The following EPHA3 variants were observed in gnomAD, a reference collection of about 807,000 sequenced individuals.
EPHA3 encodes ephrin type-A receptor 3.
EPHA3 carries 42 observed loss-of-function variants against 107.1 expected under a neutral mutation model. The observed-to-expected ratio is 0.39, with a 90% CI of 0.31 to 0.51. EPHA3 has a LOEUF of 0.51. Among genes scored for constraint, EPHA3 ranks in the 20% least tolerant of loss-of-function variants. The probability of loss-of-function intolerance (pLI) is 0.78; values close to 1 mark genes in which losing one functional copy is unlikely to be tolerated. For missense variants in EPHA3, 1,183 were observed against 1,211.2 expected, an observed-to-expected ratio of 0.98 and a Z score of 0.35; for synonymous variants, 461 against 424.8, an observed-to-expected ratio of 1.09 and a Z score of -1.05.
intron 11 of EPHA3, among the ~76,000 whole-genome samples, chr3:89,422,887 C>T (rs1316302318): frequency 6.0e-5 from 9 of 151,202 alleles, no homozygotes; most frequent in African/African-American, 2.2e-4. Context: ...GTTTTTGAGC[C>T]TGATGGTCTT....
chr3:89,342,542 ATC>A (rs1046191885), intron 5 of EPHA3, among the ~76,000 whole-genome samples: 9 of 152,176 alleles, frequency 5.9e-5, no homozygotes, highest in African/African-American at 2.2e-4. Context: ...ATAGTTATAA[ATC>A]TCTGATTGCT....
At chr3:89,345,984 A>G (rs1233511946) in intron 5 of EPHA3, among the ~76,000 whole-genome samples, 21 of 146,960 alleles carry the variant, frequency 1.4e-4, no homozygotes, top group Non-Finnish European at 2.3e-4. Flanking sequence ...TCCATGGTGT[A>G]TATGTGCCAC....
intron 4 of EPHA3, 48 bp from the exon 5 acceptor site, chr3:89,341,707 T>G (rs749845827): frequency 7.1e-7 from 1 of 1,413,746 alleles, no homozygotes; most frequent in South Asian, 1.3e-5. Context: ...TCCCTTGTAG[T>G]AGAAAACAGA....
chr3:89,171,725 A>G (rs878889522), intron 2 of EPHA3, among the ~76,000 whole-genome samples: 1 of 152,200 alleles, frequency 6.6e-6, no homozygotes, highest in African/African-American at 2.4e-5. Flanking sequence ...AAAATATGAT[A>G]TCATCCCAAA....
chr3:89,292,489 G>A (rs1442884335), intron 3 of EPHA3, among the ~76,000 whole-genome samples: 1 of 152,102 alleles, frequency 6.6e-6, no homozygotes, highest in Non-Finnish European at 1.5e-5. Context: ...CCTTGCGGAT[G>A]ACTATAATTT....
At chr3:89,156,897 A>T (rs191646508) in intron 2 of EPHA3, among the ~76,000 whole-genome samples, 43 of 151,772 alleles carry the variant, frequency 2.8e-4, no homozygotes, top group African/African-American at 1.0e-3. Context: ...TTTGGAAAAA[A>T]AAATGTAACT....
Position 89,380,771 on chromosome 3 carries a change from C to CT in EPHA3, c.1307-15049dup, listed in dbSNP as rs11294288. 6.1e-3 allele frequency among the ~76,000 whole-genome samples: 828 copies of CT among 135,536 alleles called. 6 individuals carry two copies. Among genetic ancestry groups the CT allele is most frequent in the East Asian group, 0.024 (110 of 4,640 alleles). The allele number at this position is 135,536 out of a possible 152,430, so 88.9% of individuals were successfully genotyped here. On this transcript the variant is annotated intron_variant, in intron 5 of 16. Transcript: ENST00000336596. ...CTTTAAACAGCATAATAGGTAGTAG[C>CT]TTTTTTTTTTTTTTTTTAATGAAGT...
chr3:89,352,045 A>G (rs1219858815), intron 5 of EPHA3, among the ~76,000 whole-genome samples: 1 of 151,182 alleles, frequency 6.6e-6, no homozygotes, highest in African/African-American at 2.4e-5. Flanking sequence ...TGATCAGCAA[A>G]TTATGATATT....
intron 2 of EPHA3, among the ~76,000 whole-genome samples, chr3:89,134,910 AAAT>A (rs1290843743): frequency 3.3e-5 from 5 of 152,212 alleles, no homozygotes; most frequent in African/African-American, 1.2e-4. Flanking sequence ...AACAAACAGC[AAAT>A]AATAAGTCAT....
intron 5 of EPHA3, among the ~76,000 whole-genome samples, chr3:89,350,574 A>G (rs1401088930): frequency 6.6e-6 from 1 of 150,456 alleles, no homozygotes; most frequent in Non-Finnish European, 1.5e-5. Context: ...GTCCTCCCAT[A>G]GCTCAGAGTA....
chr3:89,396,297 T>G (rs184640072), intron 6 of EPHA3, among the ~76,000 whole-genome samples: 2 of 152,328 alleles, frequency 1.3e-5, no homozygotes, highest in South Asian at 4.1e-4. Flanking sequence ...TGTGAACTGT[T>G]TTTTTAGTTC....
intron 2 of EPHA3, among the ~76,000 whole-genome samples, chr3:89,202,846 T>C (rs1269297531): frequency 6.6e-6 from 1 of 152,172 alleles, no homozygotes; most frequent in Non-Finnish European, 1.5e-5. Flanking sequence ...GTAATACACC[T>C]ACCTGTTTTG....
intron 3 of EPHA3, among the ~76,000 whole-genome samples, chr3:89,252,562 T>A (rs2107265483): frequency 6.6e-6 from 1 of 152,142 alleles, no homozygotes; most frequent in East Asian, 1.9e-4. Context: ...AGATTCCATC[T>A]CTACAAAAAT....
intron 2 of EPHA3, among the ~76,000 whole-genome samples, chr3:89,129,599 ATTG>A (rs1215540791): frequency 7.4e-5 from 9 of 122,326 alleles, no homozygotes; most frequent in African/African-American, 2.9e-4. Flanking sequence ...AAAACATTAG[ATTG>A]TTTTTTTTTT....
At chr3:89,348,223 C>T (rs1477663418) in intron 5 of EPHA3, among the ~76,000 whole-genome samples, 2 of 128,698 alleles carry the variant, frequency 1.6e-5, no homozygotes, top group South Asian at 5.4e-4. Flanking sequence ...TGGTAGAATT[C>T]GGCTGTGAAT....
chr3:89,190,451 T>C (rs1253820349), intron 2 of EPHA3, among the ~76,000 whole-genome samples: 1 of 152,166 alleles, frequency 6.6e-6, no homozygotes, highest in Non-Finnish European at 1.5e-5. Context: ...ATATTAAACA[T>C]TTAAATTTTG....
intron 3 of EPHA3, among the ~76,000 whole-genome samples, chr3:89,258,150 G>A (rs1171477823): frequency 6.6e-6 from 1 of 152,064 alleles, no homozygotes; most frequent in Non-Finnish European, 1.5e-5. Context: ...TTGATCAGGA[G>A]GAAATAATCA....
intron 3 of EPHA3, among the ~76,000 whole-genome samples, chr3:89,327,957 G>T (rs776542103): frequency 6.6e-6 from 1 of 151,820 alleles, no homozygotes; most frequent in South Asian, 2.1e-4. Flanking sequence ...AATAAGCTGC[G>T]CATGGTGGCT....
chr3:89,378,673 G>A (rs1708447266), intron 5 of EPHA3, among the ~76,000 whole-genome samples: 1 of 152,100 alleles, frequency 6.6e-6, no homozygotes, highest in South Asian at 2.1e-4. Context: ...AAACTACTGA[G>A]GTTAACAATT....
Sources: gnomAD v4.1 joint callset for allele counts (sites outside exome capture counted in the v4.1 genomes callset) on GRCh38, gnomAD v4.1.1 for gene constraint, MANE v1.5 for transcripts, NCBI Gene and HGNC (gene_info 2026-07-23, HGNC 2026-07-21) for gene names.